Variants in ABL2 observed in about 807,000 individuals in gnomAD.
ABL2 encodes the protein ABL proto-oncogene 2, non-receptor tyrosine kinase, also known as tyrosine-protein kinase ABL2.
A neutral mutation model predicts 107.7 loss-of-function variants in ABL2; 49 were observed. The ratio of observed to expected loss-of-function variants is 0.45; its 90% CI spans 0.36 to 0.58. ABL2 has a LOEUF of 0.58. Ranked by LOEUF, ABL2 falls within the 20% of genes least tolerant of loss-of-function variation. The probability of loss-of-function intolerance (pLI) is 0.00; values close to 1 mark genes in which losing one functional copy is unlikely to be tolerated. For missense variants in ABL2, 1,245 were observed against 1,457.0 expected, an observed-to-expected ratio of 0.85 and a Z score of 2.37; for synonymous variants, 549 against 548.6, an observed-to-expected ratio of 1.00 and a Z score of -0.01.
chr1:179,201,992 G>C lies in ABL2; in HGVS notation c.157+27249C>G, dbSNP rs112738726. 111 of 982,336 alleles carry C rather than the reference G, an allele frequency of 1.1e-4. 1 individual carries two copies. In the African/African-American group the frequency reaches 1.6e-3, roughly 14 times the overall value. 60.9% of individuals were successfully genotyped at this position (982,336 alleles called of 1,614,324 possible). A position where few individuals can be genotyped will look rare whatever the true frequency, so the allele number is the denominator to read the frequency against. On this transcript the variant is annotated intron_variant, in intron 1 of 11. Coordinates refer to ENST00000502732, the MANE Select transcript of ABL2 (RefSeq NM_007314.4). ...CAGGGGTCCGAGGAACAGCAGGAGAGGAGAGGGAAGGGAGCCAAGGGATGG... is the reference window on the plus strand; with the variant it reads ...CAGGGGTCCGAGGAACAGCAGGAGACGAGAGGGAAGGGAGCCAAGGGATGG...
rs946363035 is a variant in ABL2, at chr1:179,142,844, G to A, written c.158-9470C>T. ...ACCAAGAATGAAGACAAAAACAGTA[G>A]CAGATAAGATGAATTTTTTGAAATC... is the stretch of plus-strand genomic sequence containing the variant. On this transcript the variant is annotated intron_variant, in intron 1 of 11. Transcript: ENST00000502732. 3.5e-6 allele frequency: 5 copies of A among 1,436,938 alleles called. No homozygotes were observed. In the Admixed American group the frequency reaches 8.9e-5, roughly 25 times the overall value. The allele number at this position is 1,436,938 out of a possible 1,614,324, so 89.0% of individuals were successfully genotyped here. A position where few individuals can be genotyped will look rare whatever the true frequency, so the allele number is the denominator to read the frequency against.
In ABL2 at chr1:179,120,276, T is replaced by C; in HGVS notation, c.961-2A>G. On this transcript the variant is annotated splice_acceptor_variant, in intron 5 of 11. Transcript: ENST00000502732. LOFTEE classifies it high-confidence loss of function. Reference sequence around the variant, plus strand: ...TTCTTCTACCTCCATGGTATCTTCCTAGAAAAAGGGAAAGGTAAGAAAGAA... The same window carrying C: ...TTCTTCTACCTCCATGGTATCTTCCCAGAAAAAGGGAAAGGTAAGAAAGAA... The C allele has an allele frequency of 6.3e-7, 1 of 1,596,998 alleles. No homozygotes were observed. The highest frequency in any genetic ancestry group is 8.6e-7 in the Non-Finnish European group (1 of 1,169,340).
chr1:179,110,979 G>GA, intron 10 of ABL2: 2 of 1,067,626 alleles, frequency 1.9e-6, no homozygotes. Flanking sequence ...ATTATTTTTG[G>GA]CTTTTTTTTT....
chr1:179,229,170 G>GGCCACCCCCCCCCCCCCCCCCCCCCCCC, intron 1 of ABL2, 71 bp downstream of exon 1: 1 of 266,256 alleles, frequency 3.8e-6, no homozygotes, highest in Non-Finnish European at 6.8e-6. Flanking sequence ...CAGCCCGTCC[G>GGCCACCCCCCCCCCCCCCCCCCCCCCCC]CCACCCACCC....
At chr1:179,165,653 T>C (rs1050677161) in intron 1 of ABL2, among the ~76,000 whole-genome samples, 1 of 152,116 alleles carries the variant, frequency 6.6e-6, no homozygotes, top group Non-Finnish European at 1.5e-5. Context: ...TTCTTCTAGA[T>C]AAATACATAC....
chr1:179,182,982 T>C (rs1660466333), intron 1 of ABL2, among the ~76,000 whole-genome samples: 1 of 152,138 alleles, frequency 6.6e-6, no homozygotes, highest in East Asian at 1.9e-4. Context: ...CTGGTAAGAA[T>C]CACTGGGGCT....
chr1:179,103,107 T>G lies in ABL2; in HGVS notation c.*4611A>C, dbSNP rs1249966135. 4.5e-6 allele frequency: 1 copy of G among 220,842 alleles called. No individual in the cohort carries two copies. The highest frequency in any genetic ancestry group is 2.2e-5 in the African/African-American group (1 of 44,760). 13.7% of individuals were successfully genotyped at this position (220,842 alleles called of 1,614,324 possible). On this transcript the variant is annotated 3_prime_UTR_variant, in exon 12 of 12. Coordinates refer to ENST00000502732, the MANE Select transcript of ABL2 (RefSeq NM_007314.4). ...CCTCATCCTTCTTGAGTCAAGGTCC[T>G]TGGAAGAGCTTCTGTGTTCTGGAGT...
At chr1:179,200,532 C>T (rs960130641) in intron 1 of ABL2, among the ~76,000 whole-genome samples, 4 of 152,134 alleles carry the variant, frequency 2.6e-5, no homozygotes, top group Non-Finnish European at 4.4e-5. Context: ...TCCTTCAGAT[C>T]CCAAACTTTT....
At chr1:179,208,680 G>T (rs572421006) in intron 1 of ABL2, among the ~76,000 whole-genome samples, 2 of 152,150 alleles carry the variant, frequency 1.3e-5, no homozygotes, top group South Asian at 4.1e-4. Flanking sequence ...ATCTCTCTTA[G>T]CCAAATGTCC....
chr1:179,179,442 C>T (rs1660239282), intron 1 of ABL2, among the ~76,000 whole-genome samples: 1 of 151,184 alleles, frequency 6.6e-6, no homozygotes, highest in African/African-American at 2.4e-5. Flanking sequence ...GAAACAAGAG[C>T]AACAGCTATC....
At chr1:179,173,158 C>G (rs1166029277) in intron 1 of ABL2, among the ~76,000 whole-genome samples, 1 of 150,120 alleles carries the variant, frequency 6.7e-6, no homozygotes, top group Non-Finnish European at 1.5e-5. Context: ...CCATTGCACT[C>G]CAGCCTGGGC....
chr1:179,173,508 A>G (rs1203487446), intron 1 of ABL2, among the ~76,000 whole-genome samples: 1 of 137,188 alleles, frequency 7.3e-6, no homozygotes, highest in African/African-American at 2.9e-5. Flanking sequence ...GATTACAGGC[A>G]CGTGCCGCCA....
intron 11 of ABL2, among the ~76,000 whole-genome samples, 191 bp downstream of exon 11, chr1:179,110,091 G>T (rs1025707249): frequency 5.9e-5 from 9 of 152,184 alleles, no homozygotes; most frequent in Middle Eastern, 3.2e-3. Flanking sequence ...GGGAACCCAG[G>T]GGTACGGAGA....
rs188393910 is a variant in ABL2, at chr1:179,110,666, T to C, written c.1652-211A>G. The C allele has an allele frequency of 1.0e-3, 1,604 of 1,555,270 alleles. 12 individuals carry two copies. Among genetic ancestry groups the C allele is most frequent in the South Asian group, 5.5e-3 (462 of 83,414 alleles). On this transcript the variant is annotated intron_variant, in intron 10 of 11. Transcript: ENST00000502732. ...TCCACGCTGCTGCATGTGGCAGGGG[T>C]TCTCATTGCTGTGTAGCATGCCAAC...
chr1:179,146,957 C>G (rs1480921061), intron 1 of ABL2, among the ~76,000 whole-genome samples: 1 of 151,870 alleles, frequency 6.6e-6, no homozygotes, highest in Non-Finnish European at 1.5e-5. Flanking sequence ...CAACTATAGA[C>G]TCTTATCAGC....
intron 1 of ABL2, among the ~76,000 whole-genome samples, chr1:179,167,663 C>T (rs1659468976): frequency 6.6e-6 from 1 of 152,188 alleles, no homozygotes; most frequent in African/African-American, 2.4e-5. Flanking sequence ...ATGCATGTAA[C>T]AAATAATCAC....
At chr1:179,169,244 T>A (rs919961954) in intron 1 of ABL2, among the ~76,000 whole-genome samples, 9 of 151,960 alleles carry the variant, frequency 5.9e-5, no homozygotes, top group Admixed American at 5.9e-4. Flanking sequence ...TGAGAAACAA[T>A]AACAGTTGAA....
intron 1 of ABL2, among the ~76,000 whole-genome samples, chr1:179,185,608 A>C (rs1439619917): frequency 6.6e-6 from 1 of 152,196 alleles, no homozygotes; most frequent in Non-Finnish European, 1.5e-5. Context: ...TGATTCCATG[A>C]CCCAAAGTGT....
chr1:179,213,165 ATAT>A (rs755247102), intron 1 of ABL2, among the ~76,000 whole-genome samples: 9 of 152,154 alleles, frequency 5.9e-5, no homozygotes, highest in South Asian at 4.1e-4. Flanking sequence ...TCTATCTAAA[ATAT>A]TATTTAAAAC....
Sources: gnomAD v4.1 joint callset for allele counts (sites outside exome capture counted in the v4.1 genomes callset) on GRCh38, gnomAD v4.1.1 for gene constraint, MANE v1.5 for transcripts, NCBI Gene and HGNC (gene_info 2026-07-23, HGNC 2026-07-21) for gene names.